Variants in PTPRN2 observed in about 807,000 individuals in gnomAD.
The protein encoded by PTPRN2 is protein tyrosine phosphatase receptor type N2.
Under a neutral mutation model 118.8 loss-of-function variants are expected in PTPRN2, and 74 were observed. The ratio of observed to expected loss-of-function variants is 0.62; its 90% CI spans 0.52 to 0.76. PTPRN2 has a LOEUF of 0.76. Ranked by LOEUF, PTPRN2 falls within the 30% of genes least tolerant of loss-of-function variation. The probability of loss-of-function intolerance (pLI) is 0.00; values close to 1 mark genes in which losing one functional copy is unlikely to be tolerated. For synonymous variants in PTPRN2, 641 were observed against 608.0 expected (o/e 1.05, Z -0.80); for missense variants, 1,481 against 1,394.4 (o/e 1.06, Z -0.99).
At chr7:158,143,629 G>A (rs1819597611) in intron 6 of PTPRN2, among the ~76,000 whole-genome samples, 2 of 152,186 alleles carry the variant, frequency 1.3e-5, no homozygotes, top group Admixed American at 1.3e-4. Flanking sequence ...CACAGGCTCG[G>A]CTGCCCAGCG....
chr7:158,125,256 C>A, intron 9 of PTPRN2, among the ~76,000 whole-genome samples: 1 of 150,692 alleles, frequency 6.6e-6, no homozygotes, highest in African/African-American at 2.5e-5. Context: ...CCTCCCAGGG[C>A]CACCTCCCTG....
chr7:158,358,677 G>A (rs761193861), intron 2 of PTPRN2, among the ~76,000 whole-genome samples: 1 of 152,194 alleles, frequency 6.6e-6, no homozygotes, highest in Non-Finnish European at 1.5e-5. Flanking sequence ...CCCTGAGCAC[G>A]CGGTGCTGCC....
At chr7:158,056,957 C>T (rs1475024880) in intron 11 of PTPRN2, among the ~76,000 whole-genome samples, 3 of 152,136 alleles carry the variant, frequency 2.0e-5, no homozygotes, top group Non-Finnish European at 4.4e-5. Context: ...CGCCCTTATC[C>T]GATGATCAGC....
At chr7:158,505,501 A>C (rs927962237) in intron 1 of PTPRN2, among the ~76,000 whole-genome samples, 1 of 152,248 alleles carries the variant, frequency 6.6e-6, no homozygotes, top group African/African-American at 2.4e-5. Context: ...CTACCAGAGA[A>C]AAATTAATGC....
At chr7:158,263,083 C>CTA (rs543818649) in intron 3 of PTPRN2, among the ~76,000 whole-genome samples, 2,802 of 146,172 alleles carry the variant, frequency 0.019, 87 homozygotes, top group African/African-American at 0.067. Flanking sequence ...ATCACACACA[C>CTA]CACACACATT....
chr7:158,244,672 T>C (rs1454903974), intron 3 of PTPRN2, among the ~76,000 whole-genome samples: 1 of 152,020 alleles, frequency 6.6e-6, no homozygotes, highest in Non-Finnish European at 1.5e-5. Flanking sequence ...TTGTGTGAGT[T>C]CTGTAAGCTG....
At chr7:158,126,780 G>A (rs1817722503) in intron 9 of PTPRN2, among the ~76,000 whole-genome samples, 1 of 152,210 alleles carries the variant, frequency 6.6e-6, no homozygotes. Context: ...GCCGAGGAAG[G>A]GGCTGGGGGA....
rs1008401880 is a variant in PTPRN2 at position 158,441,078 on chromosome 7, G to A, written c.163+48657C>T. ...AGTGATGGGGGTGGTAGTGATGGTGGTGCTGGTGGTAGTGATAGGGGTGGT... is the reference window on the plus strand; with the variant it reads ...AGTGATGGGGGTGGTAGTGATGGTGATGCTGGTGGTAGTGATAGGGGTGGT... On this transcript the variant is annotated intron_variant, in intron 2 of 22. Transcript: ENST00000389418. Among the ~76,000 whole-genome samples, 100 of 141,934 alleles carry A rather than the reference G, an allele frequency of 7.0e-4. 3 individuals are homozygous for A. Among genetic ancestry groups the A allele is most frequent in the Admixed American group, 2.9e-3 (43 of 14,608 alleles). 93.1% of individuals were successfully genotyped at this position (141,934 alleles called of 152,430 possible). A position where few individuals can be genotyped will look rare whatever the true frequency, so the allele number is the denominator to read the frequency against.
intron 12 of PTPRN2, among the ~76,000 whole-genome samples, chr7:157,830,120 C>G (rs1807463699): frequency 1.6e-5 from 2 of 125,458 alleles, no homozygotes; most frequent in African/African-American, 6.0e-5. Context: ...TGCTCTTGGT[C>G]CCATGGGAAG....
chr7:158,500,525 C>A (rs931905633), intron 1 of PTPRN2, among the ~76,000 whole-genome samples: 1 of 152,226 alleles, frequency 6.6e-6, no homozygotes, highest in Non-Finnish European at 1.5e-5. Context: ...TTAACAAAAC[C>A]AGGCTTGGGC....
rs574803261 is a variant in PTPRN2, at chr7:158,011,735, T to C, written c.1723+69563A>G. ...CAAGGGGTTTGAAAAAACTGTCATC[T>C]AATTTTCTGTCTCACAGAGGAGTTC... On this transcript the variant is annotated intron_variant, in intron 11 of 22. Transcript: ENST00000389418. Among the ~76,000 whole-genome samples the C allele has an allele frequency of 2.0e-5, 3 of 152,374 alleles. No homozygotes were observed. In the South Asian group the frequency reaches 6.2e-4, roughly 32 times the overall value.
Position 157,734,272 on chromosome 7 carries a change from G to GCTCC in PTPRN2, c.1789-51336_1789-51335insGGAG, listed in dbSNP as rs1563053315. Among the ~76,000 whole-genome samples the GCTCC allele has an allele frequency of 2.5e-3, 168 of 67,812 alleles. 21 individuals carry two copies. The highest frequency in any genetic ancestry group is 5.5e-3 in the African/African-American group (97 of 17,644). 44.5% of individuals were successfully genotyped at this position (67,812 alleles called of 152,430 possible). On this transcript the variant is annotated intron_variant, in intron 12 of 22. Transcript: ENST00000389418. Reference sequence around the variant, plus strand: ...CACTCTTCCGTCCCATGTGCCCAGTGCAGTCTTCCGTCCCATGCGCCCAGT... The same window carrying GCTCC: ...CACTCTTCCGTCCCATGTGCCCAGTGCTCCCAGTCTTCCGTCCCATGCGCCCAGT...
chr7:158,030,157 C>G (rs537084361), intron 11 of PTPRN2: 1 of 152,380 alleles, frequency 6.6e-6, no homozygotes, highest in South Asian at 2.1e-4. Context: ...GGTCAGAGTG[C>G]AGAGCCCGCC....
chr7:158,580,165 A>G (rs1344513062), intron 1 of PTPRN2, among the ~76,000 whole-genome samples: 1 of 152,244 alleles, frequency 6.6e-6, no homozygotes, highest in Admixed American at 6.5e-5. Context: ...TGCACAGTTG[A>G]GTCCTCTAGA....
rs1364380485 is a variant in PTPRN2, at chr7:157,784,846, C to T, written c.1789-101909G>A. ...TGGGGCGACATAGGGGCCCAGGGGGCCTGGACAAGTAATAAGGTCAAGATA... is the reference window on the plus strand; with the variant it reads ...TGGGGCGACATAGGGGCCCAGGGGGTCTGGACAAGTAATAAGGTCAAGATA... On this transcript the variant is annotated intron_variant, in intron 12 of 22. Transcript: ENST00000389418. The surrounding 1 kb of genome is among the most constrained non-coding windows in gnomAD (Gnocchi z 4.6). 1.3e-5 allele frequency among the ~76,000 whole-genome samples: 2 copies of T among 151,892 alleles called. No homozygotes were observed. The highest frequency in any genetic ancestry group is 3.9e-4 in the East Asian group (2 of 5,106).
At chr7:158,171,312 T>TATACACAC (rs1423658900) in intron 5 of PTPRN2, among the ~76,000 whole-genome samples, 1 of 31,874 alleles carries the variant, frequency 3.1e-5, no homozygotes, top group Non-Finnish European at 6.4e-5. Context: ...TACACACATA[T>TATACACAC]ATATATATAT....
intron 12 of PTPRN2, chr7:157,864,133 G>T (rs2151241236): frequency 6.6e-6 from 1 of 152,404 alleles, no homozygotes; most frequent in Non-Finnish European, 1.5e-5. Context: ...TGAAGATGCA[G>T]AAAAGCTGAG....
intron 12 of PTPRN2, among the ~76,000 whole-genome samples, chr7:157,807,753 C>T (rs1805723150): frequency 6.6e-6 from 1 of 152,226 alleles, no homozygotes; most frequent in East Asian, 1.9e-4. Context: ...AATGCCTGGC[C>T]TCCTGCTGTC....
At chr7:157,777,035 CCTACCTCTCCACTCCCCTCCT>C (rs1427414959) in intron 12 of PTPRN2, among the ~76,000 whole-genome samples, 2 of 143,888 alleles carry the variant, frequency 1.4e-5, no homozygotes, top group African/African-American at 5.2e-5. Context: ...CCTCCTCCTC[CCTACCTCTCCACTCCCCTCCT>C]CTGGTGCTGT....
Sources: gnomAD v4.1 joint callset for allele counts (sites outside exome capture counted in the v4.1 genomes callset) on GRCh38, gnomAD v4.1.1 for gene constraint, Gnocchi (gnomAD v3.1) non-coding constraint, MANE v1.5 for transcripts, NCBI Gene and HGNC (gene_info 2026-07-23, HGNC 2026-07-21) for gene names.